GALNTL6: variants seen among roughly 807,000 people sequenced by gnomAD.
The protein encoded by GALNTL6 is polypeptide N-acetylgalactosaminyltransferase like 6, also known as polypeptide N-acetylgalactosaminyltransferase-like 6.
GALNTL6 carries 46 observed loss-of-function variants against 73.7 expected under a neutral mutation model. That is an observed-to-expected ratio of 0.62 (90% CI 0.49 to 0.80). The LOEUF (loss-of-function observed/expected upper bound fraction) is 0.80. Ranked by LOEUF, GALNTL6 falls within the 30% of genes least tolerant of loss-of-function variation. The pLI, the probability that GALNTL6 is intolerant of heterozygous loss-of-function variation, is 0.00. For synonymous variants in GALNTL6, 259 were observed against 263.7 expected (o/e 0.98, Z 0.17); for missense variants, 604 against 755.0 (o/e 0.80, Z 2.34).
intron 5 of GALNTL6, among the ~76,000 whole-genome samples, chr4:172,661,009 A>C (rs1217254229): frequency 2.6e-5 from 4 of 152,184 alleles, no homozygotes; most frequent in Admixed American, 2.6e-4. Flanking sequence ...AAGAATGTGA[A>C]AGGTGAATGT....
chr4:171,851,859 G>A, intron 2 of GALNTL6, among the ~76,000 whole-genome samples: 1 of 152,284 alleles, frequency 6.6e-6, no homozygotes. Context: ...ACTGCCACAA[G>A]CATCCCCTTC....
chr4:171,940,894 T>G (rs1453128339), intron 2 of GALNTL6, among the ~76,000 whole-genome samples: 1 of 151,016 alleles, frequency 6.6e-6, no homozygotes, highest in Non-Finnish European at 1.5e-5. Context: ...TATAAGAAAA[T>G]GTATAATCAC....
intron 9 of GALNTL6, among the ~76,000 whole-genome samples, chr4:172,949,992 A>C (rs187251680): frequency 1.3e-5 from 2 of 152,316 alleles, no homozygotes; most frequent in East Asian, 3.9e-4. Flanking sequence ...GAGGACAAGT[A>C]AAATAGAATG....
At chr4:172,065,722 A>C (rs926404761) in intron 2 of GALNTL6, among the ~76,000 whole-genome samples, 1 of 152,176 alleles carries the variant, frequency 6.6e-6, no homozygotes, top group African/African-American at 2.4e-5. Flanking sequence ...TGGCTAATTT[A>C]TAAAGAAAAA....
intron 3 of GALNTL6, among the ~76,000 whole-genome samples, chr4:172,304,504 C>G (rs1302262070): frequency 6.6e-6 from 1 of 151,900 alleles, no homozygotes; most frequent in East Asian, 1.9e-4. Flanking sequence ...TGAAAACTCT[C>G]TCCAAAAAAT....
intron 5 of GALNTL6, among the ~76,000 whole-genome samples, chr4:172,641,197 A>C (rs1739957653): frequency 6.6e-6 from 1 of 152,108 alleles, no homozygotes. Flanking sequence ...ATAGTTTCCC[A>C]GGTCTTCCTC....
chr4:172,883,286 C>T (rs528348605), intron 8 of GALNTL6, among the ~76,000 whole-genome samples: 49 of 152,288 alleles, frequency 3.2e-4, no homozygotes, highest in Middle Eastern at 3.4e-3. Flanking sequence ...AATCTCCCTA[C>T]TTGTATAAGG....
At chr4:172,031,528 A>T (rs1741770903) in intron 2 of GALNTL6, among the ~76,000 whole-genome samples, 1 of 152,140 alleles carries the variant, frequency 6.6e-6, no homozygotes, top group African/African-American at 2.4e-5. Flanking sequence ...CTTTGTGGCT[A>T]GAAAGATGAA....
At chr4:171,935,188 A>G (rs1043556473) in intron 2 of GALNTL6, among the ~76,000 whole-genome samples, 1 of 152,154 alleles carries the variant, frequency 6.6e-6, no homozygotes, top group African/African-American at 2.4e-5. Context: ...TTATTTTCAA[A>G]ATCCTAATCA....
intron 2 of GALNTL6, among the ~76,000 whole-genome samples, chr4:172,224,252 T>C (rs1736779679): frequency 6.6e-6 from 1 of 152,166 alleles, no homozygotes; most frequent in South Asian, 2.1e-4. Flanking sequence ...GTATTGTTCT[T>C]ATTACCCTAA....
intron 2 of GALNTL6, among the ~76,000 whole-genome samples, chr4:171,883,293 A>C (rs1325555052): frequency 6.6e-6 from 1 of 152,134 alleles, no homozygotes; most frequent in Non-Finnish European, 1.5e-5. Context: ...AGGAGGTTGC[A>C]GTGAGCCGAG....
intron 2 of GALNTL6, among the ~76,000 whole-genome samples, chr4:172,020,446 C>T (rs111752472): frequency 1.3e-5 from 2 of 150,228 alleles, no homozygotes; most frequent in African/African-American, 4.9e-5. Context: ...AGAGAAAATC[C>T]AAATACATAA....
At chr4:171,819,877 T>C (rs1481397774) in intron 2 of GALNTL6, among the ~76,000 whole-genome samples, 2 of 152,162 alleles carry the variant, frequency 1.3e-5, no homozygotes, top group African/African-American at 2.4e-5. Context: ...AAGGAGACCA[T>C]GTTCTTTTCT....
intron 5 of GALNTL6, among the ~76,000 whole-genome samples, chr4:172,368,107 G>A (rs1407451312): frequency 7.2e-5 from 11 of 152,068 alleles, no homozygotes; most frequent in South Asian, 2.1e-4. Context: ...TTGGCCAGGC[G>A]CAGTGGCTCA....
At chr4:172,367,800 T>A (rs920985110) in intron 5 of GALNTL6, among the ~76,000 whole-genome samples, 6 of 147,120 alleles carry the variant, frequency 4.1e-5, no homozygotes, top group Non-Finnish European at 7.7e-5. Context: ...TTACTGCACA[T>A]GTTTTCTTCC....
chr4:172,455,078 G>T (rs1321943897), intron 5 of GALNTL6, among the ~76,000 whole-genome samples: 1 of 152,186 alleles, frequency 6.6e-6, no homozygotes, highest in African/African-American at 2.4e-5. Context: ...CAGAAGCAGG[G>T]TGGGGCATCA....
intron 5 of GALNTL6, among the ~76,000 whole-genome samples, chr4:172,754,920 G>A (rs2110797452): frequency 6.6e-6 from 1 of 151,774 alleles, no homozygotes; most frequent in South Asian, 2.1e-4. Flanking sequence ...AGAGAATGAG[G>A]AAGATCTTTT....
At chr4:171,868,785 G>A (rs1246841057) in intron 2 of GALNTL6, among the ~76,000 whole-genome samples, 7 of 152,056 alleles carry the variant, frequency 4.6e-5, no homozygotes, top group Admixed American at 1.3e-4. Context: ...GGGTTCAAGC[G>A]ATTCTCCTGC....
At chr4:172,614,535 A>G (rs1205708190) in intron 5 of GALNTL6, among the ~76,000 whole-genome samples, 1 of 152,208 alleles carries the variant, frequency 6.6e-6, no homozygotes, top group Non-Finnish European at 1.5e-5. Context: ...TCACAATGAT[A>G]TAAGTATCTT....
Sources: gnomAD v4.1 joint callset for allele counts (sites outside exome capture counted in the v4.1 genomes callset) on GRCh38, gnomAD v4.1.1 for gene constraint, MANE v1.5 for transcripts, NCBI Gene and HGNC (gene_info 2026-07-23, HGNC 2026-07-21) for gene names.